The following VWC2L variants were observed in gnomAD, a reference collection of about 807,000 sequenced individuals.
The protein encoded by VWC2L is von Willebrand factor C domain containing 2 like, also known as von Willebrand factor C domain-containing protein 2-like.
Under a neutral mutation model 21.6 loss-of-function variants are expected in VWC2L, and 10 were observed. That is an observed-to-expected ratio of 0.46 (90% CI 0.29 to 0.78). VWC2L has a LOEUF of 0.78. VWC2L is among the 30% of genes least tolerant of loss of function. VWC2L has a pLI of 0.10. For missense variants in VWC2L, 209 were observed against 277.1 expected (o/e 0.75, Z 1.74); for synonymous variants, 96 against 94.3 (o/e 1.02, Z -0.10).
At chr2:214,566,704 C>T (rs1419655446) in intron 3 of VWC2L, among the ~76,000 whole-genome samples, 2 of 152,130 alleles carry the variant, frequency 1.3e-5, no homozygotes, top group African/African-American at 4.8e-5. Flanking sequence ...AATCTCATCA[C>T]CACGCTCTTC....
intron 3 of VWC2L, among the ~76,000 whole-genome samples, chr2:214,535,626 G>A (rs942736715): frequency 6.6e-6 from 1 of 152,074 alleles, no homozygotes; most frequent in Non-Finnish European, 1.5e-5. Flanking sequence ...ACAAAAGGGT[G>A]ATCCTTAAAG....
intron 3 of VWC2L, among the ~76,000 whole-genome samples, chr2:214,477,282 G>A (rs1688538976): frequency 1.3e-5 from 2 of 152,202 alleles, no homozygotes. Context: ...AGCAATGGAA[G>A]GAGCCAGGAT....
intron 3 of VWC2L, among the ~76,000 whole-genome samples, chr2:214,452,343 T>C (rs1702968792): frequency 6.6e-6 from 1 of 152,150 alleles, no homozygotes. Flanking sequence ...GACAGGTTTT[T>C]GCCATGTTGC....
chr2:214,514,955 A>C (rs946129568), intron 3 of VWC2L, among the ~76,000 whole-genome samples: 1 of 152,236 alleles, frequency 6.6e-6, no homozygotes, highest in African/African-American at 2.4e-5. Context: ...TGCATTTAAA[A>C]GGATAAAATA....
At chr2:214,483,754 A>G (rs569438350) in intron 3 of VWC2L, among the ~76,000 whole-genome samples, 1 of 152,278 alleles carries the variant, frequency 6.6e-6, no homozygotes, top group African/African-American at 2.4e-5. Context: ...TGAGACTCTT[A>G]ACCTGCTGGC....
intron 2 of VWC2L, among the ~76,000 whole-genome samples, chr2:214,419,580 T>G (rs1433093251): frequency 1.3e-5 from 2 of 152,170 alleles, no homozygotes; most frequent in Non-Finnish European, 2.9e-5. Flanking sequence ...TTTAAAGTGA[T>G]TTTCTGCAGC....
chr2:214,492,275 G>C (rs769381045), intron 3 of VWC2L, among the ~76,000 whole-genome samples: 4 of 152,312 alleles, frequency 2.6e-5, no homozygotes, highest in Middle Eastern at 3.4e-3. Context: ...CAGAGGTAGA[G>C]GTTGGGATCA....
At chr2:214,466,141 A>AGATG (rs1703213896) in intron 3 of VWC2L, among the ~76,000 whole-genome samples, 1 of 151,364 alleles carries the variant, frequency 6.6e-6, no homozygotes, top group African/African-American at 2.4e-5. Context: ...TTTTTTGTGT[A>AGATG]GTTGTTCATT....
chr2:214,554,669 AAAAC>A (rs1198350091), intron 3 of VWC2L, among the ~76,000 whole-genome samples: 1 of 152,178 alleles, frequency 6.6e-6, no homozygotes, highest in Non-Finnish European at 1.5e-5. Context: ...ATCTCAAAAC[AAAAC>A]AAACAAACAA....
Position 214,541,736 on chromosome 2 carries a change from C to T in VWC2L, c.521-33936C>T, listed in dbSNP as rs143268583. Among the ~76,000 whole-genome samples, 28 of 152,272 alleles carry T rather than the reference C, an allele frequency of 1.8e-4. No individual in the cohort carries two copies. The East Asian group carries it at 5.0e-3, about 27-fold the overall frequency. Reference sequence around the variant, plus strand: ...GACAATTAGCATGTACGAGACTCAGCTCTGTGCCTGACAACTAGCACATAC... The same window carrying T: ...GACAATTAGCATGTACGAGACTCAGTTCTGTGCCTGACAACTAGCACATAC... On this transcript the variant is annotated intron_variant, in intron 3 of 3. Coordinates refer to ENST00000312504, the MANE Select transcript of VWC2L (RefSeq NM_001080500.4).
chr2:214,510,714 T>C (rs769380600), intron 3 of VWC2L, among the ~76,000 whole-genome samples: 4 of 152,214 alleles, frequency 2.6e-5, no homozygotes, highest in Non-Finnish European at 4.4e-5. Context: ...TTTAAAAATA[T>C]ACACACAGAG....
intron 3 of VWC2L, among the ~76,000 whole-genome samples, chr2:214,551,445 A>C (rs1559328365): frequency 6.6e-6 from 1 of 152,240 alleles, no homozygotes; most frequent in Non-Finnish European, 1.5e-5. Context: ...TAGGGGAAGG[A>C]AGAAAATAGT....
rs35827236 is a variant in VWC2L, at chr2:214,482,663, AT to A, written c.520+45914del. 3.8e-3 allele frequency among the ~76,000 whole-genome samples: 542 copies of A among 142,002 alleles called. 3 individuals carry two copies. Among genetic ancestry groups the A allele is most frequent in the African/African-American group, 0.015 (519 of 34,572 alleles). 93.2% of individuals were successfully genotyped at this position (142,002 alleles called of 152,430 possible). ...TTAATAAATAAATATATATATATAT[AT>A]TTTTTTTTCTTTAATGGCCAGGCAC... On this transcript the variant is annotated intron_variant, in intron 3 of 3. Transcript: ENST00000312504.
rs189918846 is a variant in VWC2L, at chr2:214,446,664, C to T, written c.520+9906C>T. On this transcript the variant is annotated intron_variant, in intron 3 of 3. Transcript: ENST00000312504. ...TTTCTCACTTAAGATATGGAAAATACTTGGGGACTATTTTTTCCCTAAGTA... is the reference window on the plus strand; with the variant it reads ...TTTCTCACTTAAGATATGGAAAATATTTGGGGACTATTTTTTCCCTAAGTA... 9.7e-4 allele frequency among the ~76,000 whole-genome samples: 148 copies of T among 152,254 alleles called. 1 individual carries two copies. The highest frequency in any genetic ancestry group is 3.5e-3 in the African/African-American group (146 of 41,544).
chr2:214,492,333 G>A (rs1029862373), intron 3 of VWC2L, among the ~76,000 whole-genome samples: 6 of 152,326 alleles, frequency 3.9e-5, no homozygotes, highest in African/African-American at 1.4e-4. Context: ...GGGAACAGCT[G>A]TTCAAAGAAC....
chr2:214,462,015 C>T (rs1437365050), intron 3 of VWC2L, among the ~76,000 whole-genome samples: 1 of 152,174 alleles, frequency 6.6e-6, no homozygotes, highest in Non-Finnish European at 1.5e-5. Flanking sequence ...AATGTCATCG[C>T]ATTACTGTAG....
chr2:214,547,104 TA>T (rs1689720784), intron 3 of VWC2L, among the ~76,000 whole-genome samples: 1 of 152,168 alleles, frequency 6.6e-6, no homozygotes, highest in Admixed American at 6.5e-5. Flanking sequence ...GCGGCATTTT[TA>T]AAATCAGGAT....
At chr2:214,488,791 G>A (rs1474909532) in intron 3 of VWC2L, among the ~76,000 whole-genome samples, 1 of 152,178 alleles carries the variant, frequency 6.6e-6, no homozygotes, top group Non-Finnish European at 1.5e-5. Flanking sequence ...GCAAAGAGGA[G>A]CCAGAGTACA....
chr2:214,561,809 T>TATATATATATATATACACACAC (rs1489588765), intron 3 of VWC2L, among the ~76,000 whole-genome samples: 1 of 127,226 alleles, frequency 7.9e-6, no homozygotes, highest in African/African-American at 3.5e-5. Flanking sequence ...TATATATATA[T>TATATATATATATATACACACAC]ACACACACAT....
Sources: gnomAD v4.1 joint callset for allele counts (sites outside exome capture counted in the v4.1 genomes callset) on GRCh38, gnomAD v4.1.1 for gene constraint, MANE v1.5 for transcripts, NCBI Gene and HGNC (gene_info 2026-07-23, HGNC 2026-07-21) for gene names.